ATP10B: variants seen among roughly 807,000 people sequenced by gnomAD.
ATP10B encodes phospholipid-transporting ATPase VB.
Under a neutral mutation model 141.2 loss-of-function variants are expected in ATP10B, and 122 were observed. The observed-to-expected ratio is 0.86, with a 90% CI of 0.75 to 1.00. ATP10B has a LOEUF of 1.00. Among genes scored for constraint, ATP10B ranks in the 50% least tolerant of loss-of-function variants. The probability of loss-of-function intolerance (pLI) is 0.00; values close to 1 mark genes in which losing one functional copy is unlikely to be tolerated. For missense variants in ATP10B, 1,876 were observed against 1,825.3 expected, an observed-to-expected ratio of 1.03 and a Z score of -0.51; for synonymous variants, 685 against 692.0, an observed-to-expected ratio of 0.99 and a Z score of 0.16.
At chr5:160,589,533 G>A in intron 24 of ATP10B, 59 bp downstream of exon 24, 1 of 1,296,930 alleles carries the variant, frequency 7.7e-7, no homozygotes, top group Non-Finnish European at 1.1e-6. Flanking sequence ...TCAGAAATTT[G>A]AGTATAGTCA....
chr5:160,913,544 C>T, the ATP10B span, among the ~76,000 whole-genome samples: 4 of 152,094 alleles, frequency 2.6e-5, no homozygotes, highest in Admixed American at 6.6e-5. Context: ...CATCCATTAT[C>T]TTCTTCACCT....
intron 7 of ATP10B, among the ~76,000 whole-genome samples, chr5:160,659,156 A>G (rs1761716963): frequency 6.6e-6 from 1 of 152,160 alleles, no homozygotes; most frequent in Non-Finnish European, 1.5e-5. Flanking sequence ...TAACTTTAAG[A>G]TATTATCCAT....
chr5:160,844,085 T>C (rs886904660), intron 1 of ATP10B, among the ~76,000 whole-genome samples: 10 of 152,276 alleles, frequency 6.6e-5, no homozygotes, highest in African/African-American at 2.4e-4. Context: ...AAACAACTGA[T>C]ACTCTCCAAC....
rs557549091 is a variant in ATP10B, at chr5:160,817,652, A to C, written c.-575-31849T>G. Among the ~76,000 whole-genome samples, 309 of 152,336 alleles carry C rather than the reference A, an allele frequency of 2.0e-3. 4 individuals are homozygous for C. The Middle Eastern group carries it at 0.02, about 10-fold the overall frequency. ...TCACAGAATTGGCAAAAACTACTTTAAAGTTCATATGGAACCAAAAAAGAG... is the reference window on the plus strand; with the variant it reads ...TCACAGAATTGGCAAAAACTACTTTCAAGTTCATATGGAACCAAAAAAGAG... On this transcript the variant is annotated intron_variant, in intron 1 of 25. Coordinates refer to ENST00000327245, the MANE Select transcript of ATP10B (RefSeq NM_025153.3).
At chr5:160,779,427 C>T (rs1217433891) in intron 2 of ATP10B, among the ~76,000 whole-genome samples, 1 of 152,142 alleles carries the variant, frequency 6.6e-6, no homozygotes, top group African/African-American at 2.4e-5. Context: ...TTGCTAACCA[C>T]CTCTCTTACT....
In ATP10B at chr5:160,649,271, ACT is replaced by A; in HGVS notation, c.676-17_676-16del. 2 of 1,592,326 alleles carry A rather than the reference ACT, an allele frequency of 1.3e-6. No homozygotes were observed. The highest frequency in any genetic ancestry group is 1.7e-6 in the Non-Finnish European group (2 of 1,160,422). On this transcript the variant is annotated splice_polypyrimidine_tract_variant and intron_variant, in intron 7 of 25. Transcript: ENST00000327245. Reference sequence around the variant, plus strand: ...AACTGTACCTCCTGTGAGAGAGAGGACTCTGTGAGTTTATTAATTCAGAGGGA... The same window carrying A: ...AACTGTACCTCCTGTGAGAGAGAGGACTGTGAGTTTATTAATTCAGAGGGA...
chr5:160,656,387 G>T (rs1296149758), intron 7 of ATP10B, among the ~76,000 whole-genome samples: 1 of 152,162 alleles, frequency 6.6e-6, no homozygotes, highest in African/African-American at 2.4e-5. Flanking sequence ...GGAAAAGAAA[G>T]AAGGAGACTG....
chr5:160,688,897 G>A lies in ATP10B; in HGVS notation c.-158C>T. The A allele has an allele frequency of 1.0e-6, 1 of 985,368 alleles. No individual in the cohort carries two copies. Among genetic ancestry groups the A allele is most frequent in the Non-Finnish European group, 1.2e-6 (1 of 829,928 alleles). 61.0% of individuals were successfully genotyped at this position (985,368 alleles called of 1,614,324 possible). ...TTTCTTAATCTAGATGGCTGGAGTT[G>A]GGGATAGGGGATCCCTTTTCTTTTT... is the stretch of plus-strand genomic sequence containing the variant. On this transcript the variant is annotated 5_prime_UTR_variant, in exon 4 of 26. It introduces an in-frame stop codon into an upstream open reading frame of the 5' UTR. Coordinates refer to ENST00000327245, the MANE Select transcript of ATP10B (RefSeq NM_025153.3).
At chr5:160,815,945 A>T (rs1168478835) in intron 1 of ATP10B, among the ~76,000 whole-genome samples, 1 of 152,122 alleles carries the variant, frequency 6.6e-6, no homozygotes, top group African/African-American at 2.4e-5. Context: ...GCAGAAATAA[A>T]GATGTTCTTT....
At chr5:160,639,982 G>C (rs930989792) in intron 10 of ATP10B, among the ~76,000 whole-genome samples, 1 of 152,190 alleles carries the variant, frequency 6.6e-6, no homozygotes, top group Admixed American at 6.5e-5. Context: ...TTCACAATAG[G>C]TTTTGCACTC....
At chr5:160,694,140 C>G (rs557962952) in intron 3 of ATP10B, among the ~76,000 whole-genome samples, 4 of 152,170 alleles carry the variant, frequency 2.6e-5, no homozygotes, top group Non-Finnish European at 4.4e-5. Flanking sequence ...GGGACCGAAA[C>G]TGGGGGCTAG....
chr5:160,655,981 G>C (rs988825384), intron 7 of ATP10B, among the ~76,000 whole-genome samples: 1 of 152,104 alleles, frequency 6.6e-6, no homozygotes, highest in Non-Finnish European at 1.5e-5. Flanking sequence ...CCGGGGTTGA[G>C]GTCCTCCTCA....
At position 160,612,789 on chromosome 5, in the gene ATP10B, T is replaced by C; in HGVS notation, c.2790A>G (p.Arg930=). The C allele has an allele frequency of 6.2e-7, 1 of 1,614,072 alleles. No individual in the cohort carries two copies. The highest frequency in any genetic ancestry group is 8.5e-7 in the Non-Finnish European group (1 of 1,179,982). The change falls in exon 18 of 26, where the codon AGA becomes AGG. Residue 930 remains arginine, a synonymous_variant. Transcript: ENST00000327245. The part of the protein sequence containing the change: ...ETAVNIAHSC[R]LLNQTDTVYT... ...AAACAGTGTCGGTCTGATTTAACAG[T>C]CTGCAGGAATGGGCAATGTTGACCG...
At chr5:160,819,952 A>G (rs370099200) in intron 1 of ATP10B, among the ~76,000 whole-genome samples, 4 of 152,222 alleles carry the variant, frequency 2.6e-5, no homozygotes, top group East Asian at 1.9e-4. Flanking sequence ...ATCTAACAAT[A>G]TATCTTAAAG....
chr5:160,849,030 A>G (rs547412531), intron 1 of ATP10B, among the ~76,000 whole-genome samples: 2 of 152,214 alleles, frequency 1.3e-5, no homozygotes, highest in African/African-American at 2.4e-5. Context: ...TTTCTGACTC[A>G]GCATGTCTGC....
At chr5:160,755,000 C>T (rs1280120904) in intron 2 of ATP10B, among the ~76,000 whole-genome samples, 1 of 152,212 alleles carries the variant, frequency 6.6e-6, no homozygotes, top group Non-Finnish European at 1.5e-5. Context: ...AGTCCATTTT[C>T]ACACTGCTAT....
chr5:160,869,474 TG>T, the ATP10B span, among the ~76,000 whole-genome samples: 832 of 152,198 alleles, frequency 5.5e-3, 9 homozygotes, highest in African/African-American at 0.019. Context: ...TTATTTCAGT[TG>T]GGGAAAAAAA....
chr5:160,684,889 C>T (rs1166889656), intron 6 of ATP10B: 7 of 703,178 alleles, frequency 1.0e-5, no homozygotes, highest in African/African-American at 3.5e-5. Flanking sequence ...TTTGTACCTC[C>T]GGAGGTCTTC....
chr5:160,900,228 C>A, the ATP10B span, among the ~76,000 whole-genome samples: 17,428 of 152,170 alleles, frequency 0.11, 1,158 homozygotes, highest in East Asian at 0.17. Flanking sequence ...TTGATCTTTT[C>A]TTTTTCTTTT....
Sources: allele counts gnomAD v4.1 joint callset (sites outside exome capture counted in the v4.1 genomes callset), GRCh38; gene constraint gnomAD v4.1.1; transcripts MANE v1.5; gene names NCBI Gene and HGNC (gene_info 2026-07-23, HGNC 2026-07-21).